Variants in MXRA7 observed in about 807,000 individuals in gnomAD.
The protein encoded by MXRA7 is matrix-remodeling-associated protein 7.
In MXRA7, 18 loss-of-function variants were observed where a neutral mutation model predicts 17.4. The ratio of observed to expected loss-of-function variants is 1.03; its 90% CI spans 0.71 to 1.53. The LOEUF is 1.53. Among genes scored for constraint, MXRA7 ranks in the 40% most tolerant of loss-of-function variants. The pLI, the probability that MXRA7 is intolerant of heterozygous loss-of-function variation, is 0.00. For missense variants in MXRA7, 141 were observed against 209.3 expected (o/e 0.67, Z 2.01); for synonymous variants, 70 against 101.7 (o/e 0.69, Z 1.87).
At chr17:76,707,891 C>G (rs994422328) in intron 1 of MXRA7, among the ~76,000 whole-genome samples, 1 of 152,190 alleles carries the variant, frequency 6.6e-6, no homozygotes, top group Non-Finnish European at 1.5e-5. Context: ...TGATTCTTTG[C>G]GTGAACAGGC....
downstream of MXRA7, chr17:76,676,126 A>G (rs115855529): frequency 2.7e-3 from 414 of 152,324 alleles, no homozygotes; most frequent in African/African-American, 9.7e-3. Context: ...AGACAGAACA[A>G]TCCCCTCCGG....
chr17:76,682,178 G>A (rs2076314476), intron 3 of MXRA7, among the ~76,000 whole-genome samples: 2 of 152,210 alleles, frequency 1.3e-5, no homozygotes, highest in Non-Finnish European at 2.9e-5. Flanking sequence ...TAATTGTCAT[G>A]AGAGCCTGTG....
intron 1 of MXRA7, among the ~76,000 whole-genome samples, chr17:76,695,316 C>T (rs1027403272): frequency 6.6e-5 from 10 of 151,892 alleles, no homozygotes; most frequent in Non-Finnish European, 1.5e-5. Context: ...GAGACAAAGA[C>T]ACAAACCCTT....
intron 1 of MXRA7, among the ~76,000 whole-genome samples, chr17:76,705,110 T>C (rs1420589534): frequency 6.6e-6 from 1 of 152,170 alleles, no homozygotes; most frequent in Non-Finnish European, 1.5e-5. Flanking sequence ...CTAGGTGGCT[T>C]TTTTTCTCAA....
chr17:76,704,550 C>T (rs1156280033), intron 1 of MXRA7, among the ~76,000 whole-genome samples: 3 of 149,388 alleles, frequency 2.0e-5, no homozygotes, highest in African/African-American at 2.5e-5. Flanking sequence ...TTTGGGAGGC[C>T]GAGGCAGGCT....
intron 1 of MXRA7, among the ~76,000 whole-genome samples, chr17:76,707,598 C>T (rs1337681062): frequency 6.6e-6 from 1 of 152,160 alleles, no homozygotes; most frequent in Non-Finnish European, 1.5e-5. Flanking sequence ...GCCATCGCGC[C>T]CGGGCTCTAG....
At chr17:76,683,838 T>C (rs1184882548) in intron 3 of MXRA7, 1 of 1,609,712 alleles carries the variant, frequency 6.2e-7, no homozygotes, top group Admixed American at 1.7e-5. Context: ...AAGAAATCAG[T>C]GTCCTTACCA....
intron 1 of MXRA7, among the ~76,000 whole-genome samples, chr17:76,697,881 A>G (rs972865985): frequency 1.3e-5 from 2 of 148,858 alleles, no homozygotes; most frequent in Non-Finnish European, 3.0e-5. Flanking sequence ...AAAGTGCTGA[A>G]GTCGGGAGAG....
At chr17:76,674,449 A>G (rs1484130638) in exon 4 of MXRA7, 1 of 152,166 alleles carries the variant, frequency 6.6e-6, no homozygotes, top group African/African-American at 2.4e-5. Context: ...CACCACAGCA[A>G]ATCAGCAGTG....
intron 2 of MXRA7, among the ~76,000 whole-genome samples, chr17:76,686,930 GA>G (rs1006528824): frequency 2.6e-5 from 4 of 151,924 alleles, no homozygotes; most frequent in Non-Finnish European, 5.9e-5. Flanking sequence ...CAGCGGTGCA[GA>G]TAAGGGGGGA....
At chr17:76,688,634 C>T in intron 1 of MXRA7, 1 of 1,241,774 alleles carries the variant, frequency 8.1e-7, no homozygotes, top group Non-Finnish European at 1.0e-6. Context: ...ATCCCCAACT[C>T]TCTCAGTGTC....
Position 76,680,881 on chromosome 17 carries a change from T to G in MXRA7, c.501-2A>C. On this transcript the variant is annotated splice_acceptor_variant, in intron 3 of 3. Coordinates refer to ENST00000449428, the MANE Select transcript of MXRA7 (RefSeq NM_198530.4). LOFTEE classifies it high-confidence loss of function. ...GGATAACTTCGTTATTCTTCAGTTCTGTAAAGAGAAATGGGGAGAAAAAGA... is the reference window on the plus strand; with the variant it reads ...GGATAACTTCGTTATTCTTCAGTTCGGTAAAGAGAAATGGGGAGAAAAAGA... The G allele has an allele frequency of 6.2e-7, 1 of 1,606,004 alleles. No homozygotes were observed. Among genetic ancestry groups the G allele is most frequent in the Non-Finnish European group, 8.5e-7 (1 of 1,174,274 alleles).
chr17:76,699,026 T>G (rs888105633), intron 1 of MXRA7, among the ~76,000 whole-genome samples: 13 of 150,696 alleles, frequency 8.6e-5, no homozygotes, highest in African/African-American at 3.2e-4. Flanking sequence ...CAGCCCTGAC[T>G]TCCTTTCTAT....
intron 1 of MXRA7, among the ~76,000 whole-genome samples, chr17:76,693,158 C>G (rs938827082): frequency 6.6e-6 from 1 of 152,088 alleles, no homozygotes; most frequent in African/African-American, 2.4e-5. Context: ...CTGGGGACAC[C>G]CCTGTATCCC....
At chr17:76,682,658 C>T (rs1009925155) in intron 3 of MXRA7, among the ~76,000 whole-genome samples, 1 of 152,116 alleles carries the variant, frequency 6.6e-6, no homozygotes, top group Non-Finnish European at 1.5e-5. Context: ...GGGGCAACCA[C>T]ATGCAGGGGG....
chr17:76,707,291 C>CT lies in MXRA7; in HGVS notation c.342+3313dup, dbSNP rs56067261. ...CACTGCCTTGCAGGAAGTCCCTACTCTTTTTTTTTTTTTTTTTTTTTTTTT... is the reference window on the plus strand; with the variant it reads ...CACTGCCTTGCAGGAAGTCCCTACTCTTTTTTTTTTTTTTTTTTTTTTTTTT... On this transcript the variant is annotated intron_variant, in intron 1 of 3. Coordinates refer to ENST00000449428, the MANE Select transcript of MXRA7 (RefSeq NM_198530.4). Among the ~76,000 whole-genome samples the CT allele has an allele frequency of 6.6e-4, 63 of 96,116 alleles. 4 individuals carry two copies. The highest frequency in any genetic ancestry group is 2.8e-3 in the African/African-American group (59 of 21,080). The allele number at this position is 96,116 out of a possible 152,430, so 63.1% of individuals were successfully genotyped here.
chr17:76,706,268 C>T (rs1201087702), intron 1 of MXRA7, among the ~76,000 whole-genome samples: 1 of 129,566 alleles, frequency 7.7e-6, no homozygotes, highest in African/African-American at 2.8e-5. Flanking sequence ...CAGAGGCCCA[C>T]GCTGCCGTCA....
intron 1 of MXRA7, among the ~76,000 whole-genome samples, chr17:76,709,207 G>C (rs917802045): frequency 4.6e-5 from 7 of 152,208 alleles, no homozygotes; most frequent in African/African-American, 9.6e-5. Flanking sequence ...GACTGACTGA[G>C]TGTGCATGAC....
chr17:76,676,882 T>A (rs2076245063), downstream of MXRA7: 1 of 152,418 alleles, frequency 6.6e-6, no homozygotes, highest in Admixed American at 6.5e-5. Flanking sequence ...CACTCCAGCC[T>A]GGGTGACAGT....
Sources: gnomAD v4.1 joint callset for allele counts (sites outside exome capture counted in the v4.1 genomes callset) on GRCh38, gnomAD v4.1.1 for gene constraint, MANE v1.5 for transcripts, NCBI Gene and HGNC (gene_info 2026-07-23, HGNC 2026-07-21) for gene names.